The following PAN3 variants were observed in gnomAD, a reference collection of about 807,000 sequenced individuals.
PAN3 encodes PAN2-PAN3 deadenylation complex subunit PAN3.
A neutral mutation model predicts 96.2 loss-of-function variants in PAN3; 19 were observed. The observed-to-expected ratio is 0.20, with a 90% CI of 0.14 to 0.29. The LOEUF is 0.29. Ranked by LOEUF, PAN3 falls within the 10% of genes least tolerant of loss-of-function variation. The pLI is 1.00. For missense variants in PAN3, 882 were observed against 1,108.1 expected (o/e 0.80, Z 2.90); for synonymous variants, 433 against 406.6 (o/e 1.06, Z -0.78).
At chr13:28,195,759 A>C (rs1358867982) in intron 4 of PAN3, among the ~76,000 whole-genome samples, 1 of 151,778 alleles carries the variant, frequency 6.6e-6, no homozygotes, top group African/African-American at 2.4e-5. Context: ...CTGGTCTCGA[A>C]CTCCTGACCT....
At chr13:28,195,481 G>A (rs1471211082) in intron 4 of PAN3, among the ~76,000 whole-genome samples, 1 of 152,068 alleles carries the variant, frequency 6.6e-6, no homozygotes, top group Non-Finnish European at 1.5e-5. Flanking sequence ...CTTTCTCAAT[G>A]CAAGTTTAGT....
chr13:28,139,021 C>T lies in PAN3; in HGVS notation c.364C>T (p.Pro122Ser). Reference sequence around the variant, plus strand: ...GCCCAAGAAGCCGGACCTGGGGGACCCGGGGACCGGAGCCGCAGCCGGCGG... The same window carrying T: ...GCCCAAGAAGCCGGACCTGGGGGACTCGGGGACCGGAGCCGCAGCCGGCGG... The part of the protein sequence containing the change: ...PGPKKPDLGD[P>S]GTGAAAGGGG... Residue 122 changes from proline (P) to serine (S), a missense_variant, in exon 1 of 19, where the codon CCG becomes TCG. Transcript: ENST00000380958. 7.9e-7 allele frequency: 1 copy of T among 1,273,078 alleles called. No homozygotes were observed. The highest frequency in any genetic ancestry group is 9.9e-7 in the Non-Finnish European group (1 of 1,010,070). 78.9% of individuals were successfully genotyped at this position (1,273,078 alleles called of 1,614,324 possible).
intron 4 of PAN3, among the ~76,000 whole-genome samples, chr13:28,178,481 G>A (rs535987516): frequency 6.6e-5 from 10 of 152,220 alleles, no homozygotes; most frequent in Admixed American, 5.9e-4. Flanking sequence ...AAGGACTGAT[G>A]TTGTGACAAG....
chr13:28,277,164 G>C, intron 14 of PAN3, 73 bp from the exon 15 acceptor site: 1 of 1,394,750 alleles, frequency 7.2e-7, no homozygotes, highest in Non-Finnish European at 9.8e-7. Context: ...TTCCATTTAG[G>C]CAGTAGTGTC....
intron 6 of PAN3, among the ~76,000 whole-genome samples, chr13:28,240,613 T>C (rs532049199): frequency 6.6e-6 from 1 of 152,132 alleles, no homozygotes. Context: ...CATGGCAGAG[T>C]TTAGAAAATT....
intron 6 of PAN3, among the ~76,000 whole-genome samples, chr13:28,226,515 A>G (rs1882015963): frequency 6.6e-6 from 1 of 152,332 alleles, no homozygotes; most frequent in African/African-American, 2.4e-5. Context: ...AGAAGGGACC[A>G]TGCCATTTCT....
intron 5 of PAN3, chr13:28,215,068 C>G (rs1428618158): frequency 1.0e-6 from 1 of 971,256 alleles, no homozygotes; most frequent in Non-Finnish European, 1.6e-6. Context: ...GGCTACAATC[C>G]TGACACAGTA....
chr13:28,264,797 A>C (rs1886024410), intron 9 of PAN3, among the ~76,000 whole-genome samples: 1 of 152,184 alleles, frequency 6.6e-6, no homozygotes, highest in South Asian at 2.1e-4. Flanking sequence ...CTTGGATCCC[A>C]CTTCAGATTG....
Position 28,249,065 on chromosome 13 carries a change from A to C in PAN3, c.1001-7227A>C, listed in dbSNP as rs546271445. On this transcript the variant is annotated intron_variant, in intron 6 of 18. Coordinates refer to ENST00000380958, the MANE Select transcript of PAN3 (RefSeq NM_175854.8). Reference sequence around the variant, plus strand: ...TCTTGATAGTTTCCTATGAGTTACAAAAAGTTTTAAATTTTGATGAAGCCT... The same window carrying C: ...TCTTGATAGTTTCCTATGAGTTACACAAAGTTTTAAATTTTGATGAAGCCT... 9.5e-4 allele frequency among the ~76,000 whole-genome samples: 145 copies of C among 152,290 alleles called. 2 individuals are homozygous for C. Among genetic ancestry groups the C allele is most frequent in the African/African-American group, 3.4e-3 (143 of 41,560 alleles).
intron 17 of PAN3, 114 bp downstream of exon 17, chr13:28,281,493 G>A (rs1887463687): frequency 1.0e-6 from 1 of 968,588 alleles, no homozygotes; most frequent in Non-Finnish European, 1.5e-6. Context: ...CATGTGAAGT[G>A]ACCTTAAGAT....
intron 1 of PAN3, among the ~76,000 whole-genome samples, chr13:28,142,176 C>G (rs1869943742): frequency 6.6e-6 from 1 of 151,922 alleles, no homozygotes. Flanking sequence ...CTGAGAGATA[C>G]CAAGGAGTGG....
intron 6 of PAN3, among the ~76,000 whole-genome samples, chr13:28,243,097 C>A (rs1193382099): frequency 6.6e-6 from 1 of 152,124 alleles, no homozygotes; most frequent in Non-Finnish European, 1.5e-5. Flanking sequence ...AGCTTTATTT[C>A]TTCCCTTCCA....
At chr13:28,220,516 G>A (rs940263027) in intron 6 of PAN3, 138 bp downstream of exon 6, 6 of 1,053,078 alleles carry the variant, frequency 5.7e-6, no homozygotes, top group Non-Finnish European at 7.6e-6. Flanking sequence ...CTAGTTTTTG[G>A]TACCATAGGC....
intron 5 of PAN3, among the ~76,000 whole-genome samples, chr13:28,210,799 C>T (rs1482655102): frequency 6.6e-6 from 1 of 152,184 alleles, no homozygotes. Context: ...TACCATCTGA[C>T]TACTCCTTTC....
chr13:28,183,929 T>C (rs1236083882), intron 4 of PAN3, among the ~76,000 whole-genome samples: 1 of 152,196 alleles, frequency 6.6e-6, no homozygotes, highest in African/African-American at 2.4e-5. Context: ...TTTTGAACTT[T>C]GCTTGGAAAT....
intron 1 of PAN3, among the ~76,000 whole-genome samples, chr13:28,158,279 C>T (rs1028380249): frequency 4.6e-5 from 7 of 152,100 alleles, no homozygotes; most frequent in African/African-American, 1.7e-4. Context: ...TCTGGACATA[C>T]GCCCCAGCAA....
chr13:28,229,391 T>C (rs1486734636), intron 6 of PAN3, among the ~76,000 whole-genome samples: 2 of 152,234 alleles, frequency 1.3e-5, no homozygotes, highest in African/African-American at 4.8e-5. Flanking sequence ...TTCCAAAATT[T>C]TTCCATAGTA....
At chr13:28,269,973 A>G (rs200597177) in intron 12 of PAN3, among the ~76,000 whole-genome samples, 3 of 152,124 alleles carry the variant, frequency 2.0e-5, no homozygotes, top group Non-Finnish European at 2.9e-5. Context: ...CATGCTTGCA[A>G]TCTCAGCACT....
At chr13:28,220,203 T>C (rs1321579445) in intron 5 of PAN3, 28 bp from the exon 6 acceptor site, 1 of 1,605,764 alleles carries the variant, frequency 6.2e-7, no homozygotes, top group Non-Finnish European at 8.5e-7. Flanking sequence ...TAAAGTGTGT[T>C]AACTTACTAT....
Sources: gnomAD v4.1 joint callset for allele counts (sites outside exome capture counted in the v4.1 genomes callset) on GRCh38, gnomAD v4.1.1 for gene constraint, MANE v1.5 for transcripts, NCBI Gene and HGNC (gene_info 2026-07-23, HGNC 2026-07-21) for gene names.